MARCHF10: variants seen among roughly 807,000 people sequenced by gnomAD.
MARCHF10 encodes the protein membrane associated ring-CH-type finger 10, also known as probable E3 ubiquitin-protein ligase MARCHF10.
A neutral mutation model predicts 76.2 loss-of-function variants in MARCHF10; 64 were observed. That is an observed-to-expected ratio of 0.84 (90% CI 0.69 to 1.03). The LOEUF is 1.03. Ranked by LOEUF, MARCHF10 falls within the 50% of genes least tolerant of loss-of-function variation. The pLI is 0.00. For synonymous variants in MARCHF10, 340 were observed against 357.5 expected (o/e 0.95, Z 0.55); for missense variants, 875 against 958.0 (o/e 0.91, Z 1.14).
intron 5 of MARCHF10, among the ~76,000 whole-genome samples, chr17:62,741,944 TGCCTCG>T (rs576983916): frequency 2.2e-3 from 328 of 152,074 alleles, no homozygotes; most frequent in African/African-American, 7.6e-3. Context: ...GTGATCCACC[TGCCTCG>T]GCCTCCCAGA....
chr17:62,705,169 G>A (rs2089498970), intron 10 of MARCHF10: 1 of 1,192,894 alleles, frequency 8.4e-7, no homozygotes, highest in Admixed American at 4.4e-5. Flanking sequence ...GGCTTGGGGA[G>A]GGTTTTCCTA....
chr17:62,793,830 C>G (rs2092933544), intron 2 of MARCHF10, among the ~76,000 whole-genome samples: 1 of 150,192 alleles, frequency 6.7e-6, no homozygotes, highest in Non-Finnish European at 1.5e-5. Flanking sequence ...ACACCTCCAT[C>G]ACCACCAACA....
intron 2 of MARCHF10, among the ~76,000 whole-genome samples, chr17:62,789,085 A>AC (rs1184891215): frequency 1.3e-5 from 2 of 150,752 alleles, no homozygotes; most frequent in African/African-American, 4.9e-5. Flanking sequence ...AAAAAAAAAA[A>AC]AAAAAAAAAC....
At chr17:62,756,200 A>T (rs958697480) in intron 4 of MARCHF10, among the ~76,000 whole-genome samples, 2 of 152,124 alleles carry the variant, frequency 1.3e-5, no homozygotes, top group African/African-American at 4.8e-5. Flanking sequence ...GTAAGCCGAG[A>T]TCGCGCCATT....
chr17:62,749,368 G>A (rs114852242), intron 4 of MARCHF10, among the ~76,000 whole-genome samples: 70 of 152,236 alleles, frequency 4.6e-4, no homozygotes, highest in African/African-American at 1.5e-3. Context: ...ATACAGTTCC[G>A]GAACCCTTAT....
intron 3 of MARCHF10, among the ~76,000 whole-genome samples, chr17:62,760,976 A>G (rs1161231617): frequency 2.6e-5 from 4 of 152,054 alleles, no homozygotes; most frequent in Non-Finnish European, 4.4e-5. Flanking sequence ...TACCTCCCCA[A>G]CTGTTGCAAT....
intron 3 of MARCHF10, among the ~76,000 whole-genome samples, chr17:62,771,600 A>G: frequency 7.0e-6 from 1 of 143,284 alleles, no homozygotes; most frequent in Non-Finnish European, 1.5e-5. Flanking sequence ...TTTCTGAGAC[A>G]GAGTCTCACT....
chr17:62,701,826 G>A (rs778306629), intron 10 of MARCHF10, 68 bp from the exon 11 acceptor site: 136 of 1,595,812 alleles, frequency 8.5e-5, no homozygotes, highest in Non-Finnish European at 1.1e-4. Flanking sequence ...CAGGGGGCAC[G>A]GCACTGCTGC....
chr17:62,757,088 T>C (rs2092068204), intron 4 of MARCHF10, among the ~76,000 whole-genome samples: 1 of 152,194 alleles, frequency 6.6e-6, no homozygotes, highest in African/African-American at 2.4e-5. Flanking sequence ...TGGATTATCA[T>C]TACATAGATT....
At chr17:62,758,987 T>C (rs948796251) in intron 4 of MARCHF10, among the ~76,000 whole-genome samples, 1 of 152,200 alleles carries the variant, frequency 6.6e-6, no homozygotes, top group Non-Finnish European at 1.5e-5. Flanking sequence ...CTGGATACTA[T>C]TAAATCACTC....
Position 62,802,778 on chromosome 17 carries a change from C to T in MARCHF10, c.-17-1026G>A, listed in dbSNP as rs537404026. ...AAGGAGCAGGTGCAGATGAGGCAGA[C>T]GGGAGGGAAGCAGTGCAGCTGGAGC... is the stretch of plus-strand genomic sequence containing the variant. On this transcript the variant is annotated intron_variant, in intron 1 of 10. Transcript: ENST00000311269. Among the ~76,000 whole-genome samples the T allele has an allele frequency of 3.9e-5, 6 of 152,036 alleles. No homozygotes were observed. The East Asian group carries it at 7.7e-4, about 20-fold the overall frequency.
chr17:62,746,471 G>GAA (rs1363588186), intron 4 of MARCHF10, among the ~76,000 whole-genome samples: 1 of 151,552 alleles, frequency 6.6e-6, no homozygotes, highest in Non-Finnish European at 1.5e-5. Flanking sequence ...GAAAGACAGA[G>GAA]AGAGAGAGAG....
chr17:62,723,559 CTT>C (rs60456766), intron 7 of MARCHF10, among the ~76,000 whole-genome samples: 32 of 80,320 alleles, frequency 4.0e-4, no homozygotes, highest in African/African-American at 4.4e-4. Flanking sequence ...GTTCGCTTGA[CTT>C]TTTTTTTTTT....
At chr17:62,775,266 T>C (rs11652306) in intron 3 of MARCHF10, among the ~76,000 whole-genome samples, 75,008 of 151,066 alleles carry the variant, frequency 0.5, 20,151 homozygotes, top group East Asian at 0.7. Context: ...GCTGGGATTA[T>C]AGGCACCCAC....
intron 8 of MARCHF10, among the ~76,000 whole-genome samples, chr17:62,718,524 TGATA>T (rs1458809519): frequency 2.6e-5 from 4 of 152,230 alleles, no homozygotes; most frequent in African/African-American, 9.6e-5. Context: ...TAGATTGCTC[TGATA>T]GATAGTATTC....
At chr17:62,779,174 C>T (rs941747713) in intron 3 of MARCHF10, among the ~76,000 whole-genome samples, 2 of 152,112 alleles carry the variant, frequency 1.3e-5, no homozygotes, top group African/African-American at 4.8e-5. Flanking sequence ...AACACCACGC[C>T]AGGTGTTAAG....
chr17:62,757,269 T>C (rs182792901), intron 4 of MARCHF10, among the ~76,000 whole-genome samples: 122 of 152,336 alleles, frequency 8.0e-4, no homozygotes, highest in Middle Eastern at 3.4e-3. Context: ...AGGTCTGACA[T>C]GGAAGAAGTT....
intron 1 of MARCHF10, among the ~76,000 whole-genome samples, chr17:62,806,973 G>A (rs768782153): frequency 3.3e-5 from 5 of 152,168 alleles, no homozygotes; most frequent in Admixed American, 6.5e-5. Context: ...AAGCAATAAA[G>A]GAAATGTAAA....
rs1275868194 is a variant in MARCHF10 at position 62,800,733 on chromosome 17, G to A, written c.90+913C>T. 2.0e-5 allele frequency among the ~76,000 whole-genome samples: 3 copies of A among 152,258 alleles called. No homozygotes were observed. In the East Asian group the frequency reaches 5.8e-4, roughly 29 times the overall value. The stretch of plus-strand genomic sequence containing the variant: ...AAGGGCTGAGGTCCCACCTCTGGTG[G>A]GATGACTGACACTTTTTACCTGCTC... On this transcript the variant is annotated intron_variant, in intron 2 of 10. Coordinates refer to ENST00000311269, the MANE Select transcript of MARCHF10 (RefSeq NM_152598.4).
Sources: gnomAD v4.1 joint callset for allele counts (sites outside exome capture counted in the v4.1 genomes callset) on GRCh38, gnomAD v4.1.1 for gene constraint, MANE v1.5 for transcripts, NCBI Gene and HGNC (gene_info 2026-07-23, HGNC 2026-07-21) for gene names.